The following TGFBR3 variants were observed in gnomAD, a reference collection of about 807,000 sequenced individuals.
TGFBR3 encodes the protein transforming growth factor beta receptor 3, also known as transforming growth factor beta receptor type 3.
TGFBR3 carries 46 observed loss-of-function variants against 87.9 expected under a neutral mutation model. The ratio of observed to expected loss-of-function variants is 0.52; its 90% confidence interval spans 0.41 to 0.67. The LOEUF (loss-of-function observed/expected upper bound fraction) is 0.67. TGFBR3 is among the 30% of genes least tolerant of loss of function. The pLI is 0.00. For synonymous variants in TGFBR3, 381 were observed against 391.6 expected, an observed-to-expected ratio of 0.97 and a Z score of 0.32; for missense variants, 866 against 1,041.9, an observed-to-expected ratio of 0.83 and a Z score of 2.32.
At chr1:91,853,695 C>G (rs1677827840) in intron 2 of TGFBR3, among the ~76,000 whole-genome samples, 1 of 152,064 alleles carries the variant, frequency 6.6e-6, no homozygotes, top group Non-Finnish European at 1.5e-5. Flanking sequence ...CATATATGAT[C>G]AAACTTATAT....
chr1:91,760,645 C>T lies in TGFBR3; in HGVS notation c.247-1895G>A, dbSNP rs566973813. ...CCAACTGTCATGAGCTATTTCTGCACACAGCTAGGATCATTTTTATATCTG... is the reference window on the plus strand; with the variant it reads ...CCAACTGTCATGAGCTATTTCTGCATACAGCTAGGATCATTTTTATATCTG... On this transcript the variant is annotated intron_variant, in intron 3 of 16. Coordinates refer to ENST00000212355, the MANE Select transcript of TGFBR3 (RefSeq NM_003243.5). Among the ~76,000 whole-genome samples the T allele has an allele frequency of 9.0e-4, 137 of 152,204 alleles. 1 individual carries two copies. Among genetic ancestry groups the T allele is most frequent in the African/African-American group, 2.7e-3 (114 of 41,524 alleles).
chr1:91,802,700 A>T (rs1293969122), intron 2 of TGFBR3, among the ~76,000 whole-genome samples: 2 of 152,024 alleles, frequency 1.3e-5, no homozygotes, highest in South Asian at 2.1e-4. Flanking sequence ...AATATTCAAC[A>T]GCTCCTTCAC....
chr1:91,806,826 C>T (rs1675852727), intron 2 of TGFBR3, among the ~76,000 whole-genome samples: 1 of 152,164 alleles, frequency 6.6e-6, no homozygotes, highest in African/African-American at 2.4e-5. Flanking sequence ...CAAAGAGGGA[C>T]AAACTCCCAC....
At chr1:91,723,480 TA>T (rs58578681) in intron 7 of TGFBR3, among the ~76,000 whole-genome samples, 108 of 109,104 alleles carry the variant, frequency 9.9e-4, no homozygotes, top group African/African-American at 2.3e-3. Flanking sequence ...GACCCTGCCT[TA>T]AAAAAAAAAA....
At position 91,716,357 on chromosome 1, in the gene TGFBR3, C is replaced by A; in HGVS notation, c.1745G>T (p.Ser582Ile). Residue 582 changes from serine to isoleucine, a missense_variant, in exon 12 of 17, where the codon AGC (serine) becomes ATC (isoleucine). By Grantham distance (142) the Ser-to-Ile change is moderately radical. Coordinates refer to ENST00000212355, the MANE Select transcript of TGFBR3 (RefSeq NM_003243.5). ...GTTTCCGTGGGGCTGTTCCTGGAAG[C>A]TGCTGGGGTTCCTCACCTGCTGAAG... The part of the protein sequence containing the change: ...CSLQQVRNPS[S>I]FQEQPHGNIT... 1 of 1,614,152 alleles carries A rather than the reference C, an allele frequency of 6.2e-7. No homozygotes were observed. The highest frequency in any genetic ancestry group is 8.5e-7 in the Non-Finnish European group (1 of 1,180,018).
intron 2 of TGFBR3, among the ~76,000 whole-genome samples, chr1:91,820,749 C>T (rs532909267): frequency 6.6e-6 from 1 of 152,118 alleles, no homozygotes; most frequent in Non-Finnish European, 1.5e-5. Context: ...ACATATGCTG[C>T]ATTTAAAACA....
intron 3 of TGFBR3, among the ~76,000 whole-genome samples, chr1:91,772,615 T>C (rs1674422564): frequency 6.6e-6 from 1 of 152,218 alleles, no homozygotes; most frequent in Non-Finnish European, 1.5e-5. Context: ...ATTCTGGTCC[T>C]GGTTACATTA....
At chr1:91,733,863 G>T (rs1672858703) in intron 5 of TGFBR3, among the ~76,000 whole-genome samples, 2 of 152,176 alleles carry the variant, frequency 1.3e-5, no homozygotes, top group South Asian at 2.1e-4. Flanking sequence ...AGCAAGACCT[G>T]TGTCTACAAA....
chr1:91,751,415 C>A (rs55884338), intron 4 of TGFBR3, among the ~76,000 whole-genome samples: 11,015 of 152,162 alleles, frequency 0.072, 423 homozygotes, highest in Middle Eastern at 0.099. Context: ...ATGGGCTGTG[C>A]GTGTCCCTTC....
intron 1 of TGFBR3, among the ~76,000 whole-genome samples, chr1:91,872,429 G>A (rs914208080): frequency 2.0e-5 from 3 of 152,150 alleles, no homozygotes; most frequent in East Asian, 1.9e-4. Context: ...ACTTCACTTC[G>A]AAAGATGGTA....
In TGFBR3 at chr1:91,716,329, G is replaced by A; in HGVS notation, c.1773C>T (p.Ile591=). 6.2e-7 allele frequency: 1 copy of A among 1,614,198 alleles called. No homozygotes were observed. Among genetic ancestry groups the A allele is most frequent in the Non-Finnish European group, 8.5e-7 (1 of 1,180,028 alleles). ...SSFQEQPHGN[I]TFNMELYNTD... ...TGTTGTATAGCTCCATGTTGAAGGT[G>A]ATGTTTCCGTGGGGCTGTTCCTGGA... The change falls in exon 12 of 17, where the codon ATC becomes ATT. Residue 591 remains isoleucine, a synonymous_variant. Transcript: ENST00000212355.
At chr1:91,792,737 G>A (rs1675241305) in intron 3 of TGFBR3, among the ~76,000 whole-genome samples, 1 of 152,178 alleles carries the variant, frequency 6.6e-6, no homozygotes, top group South Asian at 2.1e-4. Context: ...GACACAAGGG[G>A]GCGGCTGCAT....
At chr1:91,884,657 G>C (rs1423090189) in intron 1 of TGFBR3, among the ~76,000 whole-genome samples, 4 of 152,184 alleles carry the variant, frequency 2.6e-5, no homozygotes. Context: ...AACCTCTAGT[G>C]TCTTATCTGT....
At chr1:91,868,867 T>C (rs1237348410) in intron 1 of TGFBR3, among the ~76,000 whole-genome samples, 1 of 152,190 alleles carries the variant, frequency 6.6e-6, no homozygotes, top group Non-Finnish European at 1.5e-5. Context: ...AGCCCAGGCA[T>C]GTGAAACACT....
intron 7 of TGFBR3, among the ~76,000 whole-genome samples, chr1:91,725,745 A>C (rs1672527415): frequency 6.6e-6 from 1 of 152,250 alleles, no homozygotes; most frequent in African/African-American, 2.4e-5. Flanking sequence ...AACATCTACT[A>C]GGAGTAGTAA....
intron 7 of TGFBR3, among the ~76,000 whole-genome samples, chr1:91,726,164 A>G (rs17882019): frequency 1.9e-4 from 29 of 152,328 alleles, no homozygotes; most frequent in African/African-American, 6.5e-4. Flanking sequence ...GGGACATTCA[A>G]AGTGAACTCC....
intron 2 of TGFBR3, among the ~76,000 whole-genome samples, chr1:91,842,025 T>C (rs1256109885): frequency 6.7e-6 from 1 of 149,350 alleles, no homozygotes; most frequent in Non-Finnish European, 1.5e-5. Flanking sequence ...CACTTGAGAC[T>C]GGGAGCCGAA....
chr1:91,722,414 A>G (rs10157887), intron 7 of TGFBR3, among the ~76,000 whole-genome samples: 8,911 of 152,262 alleles, frequency 0.059, 365 homozygotes, highest in East Asian at 0.22. Context: ...GTAGTTACAT[A>G]CTAAGTATGC....
In TGFBR3 at chr1:91,682,425, T is replaced by TA. The variant is rs1553158587; in HGVS notation, c.*1313dup. On this transcript the variant is annotated 3_prime_UTR_variant, in exon 17 of 17. Coordinates refer to ENST00000212355, the MANE Select transcript of TGFBR3 (RefSeq NM_003243.5). Reference sequence around the variant, plus strand: ...CATTCTTTTTTTTTTTTTTTTTTTTTAACAAGGAGGTATCACTGAGCTTAT... The same window carrying TA: ...CATTCTTTTTTTTTTTTTTTTTTTTTAAACAAGGAGGTATCACTGAGCTTAT... The TA allele has an allele frequency of 2.7e-3, 1,125 of 415,868 alleles. 2 individuals are homozygous for TA. Among genetic ancestry groups the TA allele is most frequent in the Middle Eastern group, 5.7e-3 (7 of 1,224 alleles). The allele number at this position is 415,868 out of a possible 1,614,324, so 25.8% of individuals were successfully genotyped here.
Sources: gnomAD v4.1 joint callset for allele counts (sites outside exome capture counted in the v4.1 genomes callset) on GRCh38, gnomAD v4.1.1 for gene constraint, MANE v1.5 for transcripts, NCBI Gene and HGNC (gene_info 2026-07-23, HGNC 2026-07-21) for gene names.